GAB2: variants seen among roughly 807,000 people sequenced by gnomAD.
The protein encoded by GAB2 is GRB2 associated binding protein 2, also known as GRB2-associated-binding protein 2.
In GAB2, 26 loss-of-function variants were observed where a neutral mutation model predicts 65.5. That is an observed-to-expected ratio of 0.40 (90% confidence interval 0.29 to 0.55). GAB2 has a LOEUF of 0.55. Among genes scored for constraint, GAB2 ranks in the 20% least tolerant of loss-of-function variants. The pLI, the probability that GAB2 is intolerant of heterozygous loss-of-function variation, is 0.53. For synonymous variants in GAB2, 321 were observed against 329.6 expected, an observed-to-expected ratio of 0.97 and a Z score of 0.28; for missense variants, 884 against 875.8, an observed-to-expected ratio of 1.01 and a Z score of -0.12.
chr11:78,413,086 A>G (rs921594569), intron 1 of GAB2, among the ~76,000 whole-genome samples: 1 of 152,248 alleles, frequency 6.6e-6, no homozygotes, highest in Non-Finnish European at 1.5e-5. Flanking sequence ...AGATGAACAA[A>G]GAAGAGTTTA....
intron 1 of GAB2, among the ~76,000 whole-genome samples, chr11:78,345,105 C>A (rs1311856398): frequency 6.6e-6 from 1 of 152,160 alleles, no homozygotes; most frequent in Non-Finnish European, 1.5e-5. Context: ...CATGGCAAAA[C>A]CCCGTCTCTA....
At chr11:78,297,744 A>G (rs774701795) in intron 1 of GAB2, among the ~76,000 whole-genome samples, 2 of 152,174 alleles carry the variant, frequency 1.3e-5, no homozygotes, top group Admixed American at 1.3e-4. Flanking sequence ...ATGATTAATA[A>G]ATCAATATAT....
At chr11:78,350,910 T>C (rs1457572648) in intron 1 of GAB2, among the ~76,000 whole-genome samples, 2 of 152,204 alleles carry the variant, frequency 1.3e-5, no homozygotes, top group African/African-American at 4.8e-5. Context: ...TTTTGAACAG[T>C]GGTTTGAGAG....
At chr11:78,261,028 T>C (rs1055402227) in intron 2 of GAB2, among the ~76,000 whole-genome samples, 5 of 152,126 alleles carry the variant, frequency 3.3e-5, no homozygotes, top group African/African-American at 9.7e-5. Flanking sequence ...TGGGCAACAC[T>C]GGAAGACGCT....
At position 78,321,775 on chromosome 11, in the gene GAB2, G is replaced by T. The variant is rs1482504613; in HGVS notation, c.76-40874C>A. ...AGGCTATTGTAACCAACACAGCATG[G>T]TATTGTTACAAAAACAGACATGTAG... On this transcript the variant is annotated intron_variant, in intron 1 of 9. Coordinates refer to ENST00000361507, the MANE Select transcript of GAB2 (RefSeq NM_080491.3). Among the ~76,000 whole-genome samples the T allele has an allele frequency of 4.0e-5, 6 of 151,840 alleles. No individual in the cohort carries two copies. The East Asian group carries it at 1.2e-3, about 29-fold the overall frequency.
At chr11:78,282,232 A>T (rs982862687) in intron 1 of GAB2, among the ~76,000 whole-genome samples, 1 of 152,196 alleles carries the variant, frequency 6.6e-6, no homozygotes, top group Non-Finnish European at 1.5e-5. Flanking sequence ...AGTAATCTGT[A>T]AGCAGACATT....
At chr11:78,372,512 C>G (rs541684638) in intron 1 of GAB2, among the ~76,000 whole-genome samples, 2 of 152,234 alleles carry the variant, frequency 1.3e-5, no homozygotes, top group South Asian at 4.2e-4. Flanking sequence ...CAGGAAAAAC[C>G]CTTTAAAAGA....
In GAB2 at chr11:78,355,750, G is replaced by C. The variant is rs1035634815; in HGVS notation, c.75+61896C>G. ...AAATGATCACAGGTCTTCTCAGAGAGAGAAAGTACACAGAAGTACCAAGTA... is the reference window on the plus strand; with the variant it reads ...AAATGATCACAGGTCTTCTCAGAGACAGAAAGTACACAGAAGTACCAAGTA... On this transcript the variant is annotated intron_variant, in intron 1 of 9. Transcript: ENST00000361507. Among the ~76,000 whole-genome samples the C allele has an allele frequency of 6.1e-5, 9 of 146,766 alleles. No individual in the cohort carries two copies. In the East Asian group the frequency reaches 8.4e-4, roughly 14 times the overall value.
At chr11:78,375,085 C>T (rs73501001) in intron 1 of GAB2, among the ~76,000 whole-genome samples, 4,201 of 152,242 alleles carry the variant, frequency 0.028, 166 homozygotes, top group African/African-American at 0.089. Flanking sequence ...TGCTCTGTCA[C>T]CCACACTAGA....
intron 2 of GAB2, among the ~76,000 whole-genome samples, chr11:78,273,616 T>C (rs1197143219): frequency 6.6e-6 from 1 of 152,240 alleles, no homozygotes; most frequent in Non-Finnish European, 1.5e-5. Context: ...GATGAGACTT[T>C]GGACTGTGGA....
At chr11:78,369,091 T>C (rs1856535044) in intron 1 of GAB2, among the ~76,000 whole-genome samples, 1 of 150,998 alleles carries the variant, frequency 6.6e-6, no homozygotes, top group South Asian at 2.1e-4. Context: ...TGAGCAATGA[T>C]TGTACCACTG....
Position 78,417,757 on chromosome 11 carries a change from C to T in GAB2, c.-37G>A. The T allele has an allele frequency of 1.7e-6, 2 of 1,144,106 alleles. No homozygotes were observed. Among genetic ancestry groups the T allele is most frequent in the Non-Finnish European group, 2.2e-6 (2 of 914,484 alleles). 70.9% of individuals were successfully genotyped at this position (1,144,106 alleles called of 1,614,324 possible). A position where few individuals can be genotyped will look rare whatever the true frequency, so the allele number is the denominator to read the frequency against. ...GGAGCCCCCCGCCGGGTCGCGCGGACGAGGGCGCGGGCTCGGGCAGCTGGG... is the reference window on the plus strand; with the variant it reads ...GGAGCCCCCCGCCGGGTCGCGCGGATGAGGGCGCGGGCTCGGGCAGCTGGG... On this transcript the variant is annotated 5_prime_UTR_variant, in exon 1 of 10. Coordinates refer to ENST00000361507, the MANE Select transcript of GAB2 (RefSeq NM_080491.3).
chr11:78,340,551 A>T (rs918175415), intron 1 of GAB2, among the ~76,000 whole-genome samples: 1 of 152,084 alleles, frequency 6.6e-6, no homozygotes, highest in Non-Finnish European at 1.5e-5. Context: ...ATGAAGATGA[A>T]CAAAGGGAAA....
At chr11:78,381,494 A>G (rs1234791288) in intron 1 of GAB2, among the ~76,000 whole-genome samples, 1 of 152,182 alleles carries the variant, frequency 6.6e-6, no homozygotes, top group Non-Finnish European at 1.5e-5. Flanking sequence ...CACTCCCAGT[A>G]CAGAGCTGTC....
chr11:78,355,447 T>C (rs1856344122), intron 1 of GAB2, among the ~76,000 whole-genome samples: 1 of 152,116 alleles, frequency 6.6e-6, no homozygotes, highest in South Asian at 2.1e-4. Context: ...CAGATGAGAA[T>C]TCTTGCCTCT....
At chr11:78,309,160 G>C (rs953583506) in intron 1 of GAB2, among the ~76,000 whole-genome samples, 1 of 152,140 alleles carries the variant, frequency 6.6e-6, no homozygotes, top group Non-Finnish European at 1.5e-5. Context: ...CCAGATAAAA[G>C]TTTCAAGCTT....
intron 1 of GAB2, among the ~76,000 whole-genome samples, chr11:78,405,315 G>T (rs766637572): frequency 6.6e-6 from 1 of 152,066 alleles, no homozygotes; most frequent in African/African-American, 2.4e-5. Flanking sequence ...AGCCAGGATG[G>T]TCTCGATCTC....
chr11:78,273,797 AC>A (rs1188302432), intron 2 of GAB2, among the ~76,000 whole-genome samples: 2 of 152,178 alleles, frequency 1.3e-5, no homozygotes, highest in African/African-American at 2.4e-5. Context: ...TGTTGGAAGG[AC>A]CTGCTGGGAG....
chr11:78,238,528 A>C (rs1472548071), intron 3 of GAB2, among the ~76,000 whole-genome samples: 1 of 148,408 alleles, frequency 6.7e-6, no homozygotes, highest in Non-Finnish European at 1.5e-5. Flanking sequence ...AAAGTTTGCT[A>C]AACTAGATTA....
Sources: allele counts gnomAD v4.1 joint callset (sites outside exome capture counted in the v4.1 genomes callset), GRCh38; gene constraint gnomAD v4.1.1; transcripts MANE v1.5; gene names NCBI Gene and HGNC (gene_info 2026-07-23, HGNC 2026-07-21).